The following CNTNAP2 variants were observed in gnomAD, a reference collection of about 807,000 sequenced individuals.
The protein encoded by CNTNAP2 is contactin-associated protein-like 2.
Under a neutral mutation model 155.2 loss-of-function variants are expected in CNTNAP2, and 98 were observed. The ratio of observed to expected loss-of-function variants is 0.63; its 90% CI spans 0.54 to 0.75. The LOEUF is 0.75. CNTNAP2 is among the 30% of genes least tolerant of loss of function. The pLI, the probability that CNTNAP2 is intolerant of heterozygous loss-of-function variation, is 0.00. For missense variants in CNTNAP2, 1,727 were observed against 1,688.1 expected (o/e 1.02, Z -0.40); for synonymous variants, 651 against 631.2 (o/e 1.03, Z -0.47).
rs1443098186 is a variant in CNTNAP2 at position 148,416,557 on chromosome 7, A to T, written c.*941A>T. 1 of 152,548 alleles carries T rather than the reference A, an allele frequency of 6.6e-6. No homozygotes were observed. Among genetic ancestry groups the T allele is most frequent in the East Asian group, 1.9e-4 (1 of 5,180 alleles). The allele number at this position is 152,548 out of a possible 1,614,324, so 9.4% of individuals were successfully genotyped here. A position where few individuals can be genotyped will look rare whatever the true frequency, so the allele number is the denominator to read the frequency against. ...TAGTTTAGTTATAGCAAAAATATGG[A>T]TAATTTCTAGTGAATGCATAAATTA... On this transcript the variant is annotated 3_prime_UTR_variant, in exon 24 of 24. Coordinates refer to ENST00000361727, the MANE Select transcript of CNTNAP2 (RefSeq NM_014141.6).
At chr7:146,399,087 T>C (rs943908633) in intron 1 of CNTNAP2, among the ~76,000 whole-genome samples, 1 of 152,174 alleles carries the variant, frequency 6.6e-6, no homozygotes, top group African/African-American at 2.4e-5. Context: ...TAAACATATA[T>C]ATTTGTGGTA....
intron 17 of CNTNAP2, among the ~76,000 whole-genome samples, chr7:148,149,510 A>G (rs1433926003): frequency 6.6e-6 from 1 of 152,136 alleles, no homozygotes; most frequent in East Asian, 1.9e-4. Flanking sequence ...ATGGCAAATA[A>G]TATCAAGCAC....
intron 1 of CNTNAP2, among the ~76,000 whole-genome samples, chr7:146,537,936 G>C (rs1340690859): frequency 6.6e-6 from 1 of 152,080 alleles, no homozygotes; most frequent in Non-Finnish European, 1.5e-5. Flanking sequence ...TCATGTGATT[G>C]ATGTGAGACG....
intron 16 of CNTNAP2, among the ~76,000 whole-genome samples, chr7:148,146,981 C>A (rs1319521057): frequency 6.6e-6 from 1 of 152,216 alleles, no homozygotes; most frequent in Non-Finnish European, 1.5e-5. Context: ...CCAGTGCCAA[C>A]TCTTGACCAA....
intron 14 of CNTNAP2, among the ~76,000 whole-genome samples, chr7:147,931,715 A>G (rs1280996897): frequency 6.6e-6 from 1 of 152,178 alleles, no homozygotes; most frequent in Admixed American, 6.5e-5. Flanking sequence ...GAAAACTATG[A>G]AACATTGATG....
intron 1 of CNTNAP2, among the ~76,000 whole-genome samples, chr7:146,564,110 T>C (rs1306414866): frequency 6.6e-6 from 1 of 152,208 alleles, no homozygotes; most frequent in East Asian, 1.9e-4. Context: ...AAGTTCTGGC[T>C]GATATTTAGA....
At chr7:146,290,109 AG>A (rs1800405724) in intron 1 of CNTNAP2, among the ~76,000 whole-genome samples, 1 of 152,172 alleles carries the variant, frequency 6.6e-6, no homozygotes, top group Non-Finnish European at 1.5e-5. Context: ...TGTATGTATG[AG>A]GTATGGCTCA....
intron 8 of CNTNAP2, among the ~76,000 whole-genome samples, chr7:147,158,715 G>A (rs1312747491): frequency 6.6e-6 from 1 of 152,028 alleles, no homozygotes; most frequent in Non-Finnish European, 1.5e-5. Context: ...CTGAATGATG[G>A]AGTTTTCTGT....
intron 3 of CNTNAP2, among the ~76,000 whole-genome samples, chr7:146,882,450 GT>G (rs990347300): frequency 6.6e-6 from 1 of 152,012 alleles, no homozygotes; most frequent in African/African-American, 2.4e-5. Flanking sequence ...CCGCCATGCT[GT>G]TCTCATCGTA....
chr7:146,493,651 A>T (rs148365654), intron 1 of CNTNAP2, among the ~76,000 whole-genome samples: 46 of 152,260 alleles, frequency 3.0e-4, no homozygotes, highest in African/African-American at 1.1e-3. Flanking sequence ...AAGGTAGTTA[A>T]GAGAGCCTCA....
At chr7:147,400,507 T>C (rs1796894478) in intron 10 of CNTNAP2, among the ~76,000 whole-genome samples, 5 of 152,176 alleles carry the variant, frequency 3.3e-5, no homozygotes, top group Admixed American at 3.3e-4. Flanking sequence ...TGATCATGCT[T>C]GGTTTGACAA....
chr7:146,395,828 A>ATAGAG (rs1795617238), intron 1 of CNTNAP2, among the ~76,000 whole-genome samples: 9 of 85,406 alleles, frequency 1.1e-4, no homozygotes, highest in African/African-American at 4.8e-4. Context: ...TAGATAGAGG[A>ATAGAG]GAGAGAGAGA....
chr7:147,304,376 T>C (rs2116778695), intron 9 of CNTNAP2, among the ~76,000 whole-genome samples: 1 of 152,328 alleles, frequency 6.6e-6, no homozygotes, highest in East Asian at 1.9e-4. Context: ...TTAAACACAA[T>C]AATTAAATTT....
At chr7:146,246,344 A>T (rs1455775772) in intron 1 of CNTNAP2, among the ~76,000 whole-genome samples, 1 of 150,586 alleles carries the variant, frequency 6.6e-6, no homozygotes. Context: ...CAATTTAGTT[A>T]AAGTGTCTCG....
At chr7:147,568,755 C>T (rs1800224642) in intron 12 of CNTNAP2, among the ~76,000 whole-genome samples, 1 of 152,116 alleles carries the variant, frequency 6.6e-6, no homozygotes, top group South Asian at 2.1e-4. Context: ...AGCATCCTCT[C>T]CCTAGATACC....
At chr7:148,007,160 T>C (rs1397469271) in intron 15 of CNTNAP2, among the ~76,000 whole-genome samples, 1 of 152,230 alleles carries the variant, frequency 6.6e-6, no homozygotes, top group Non-Finnish European at 1.5e-5. Context: ...CTTATGAGTT[T>C]ATTGATGGAA....
intron 20 of CNTNAP2, among the ~76,000 whole-genome samples, chr7:148,242,519 T>G (rs1427843224): frequency 1.3e-5 from 2 of 152,242 alleles, no homozygotes; most frequent in Non-Finnish European, 2.9e-5. Context: ...GAAACTGGCT[T>G]GGGTGTGGTT....
In CNTNAP2 at chr7:146,665,783, T is replaced by TAAAAAAAAAAAAAAAAAAAA. The variant is rs750837961; in HGVS notation, c.98-108473_98-108472insAAAAAAAAAAAAAAAAAAAA. Among the ~76,000 whole-genome samples, 13 of 48,292 alleles carry TAAAAAAAAAAAAAAAAAAAA rather than the reference T, an allele frequency of 2.7e-4. 2 individuals are homozygous for TAAAAAAAAAAAAAAAAAAAA. The highest frequency in any genetic ancestry group is 7.9e-4 in the African/African-American group (7 of 8,840). 31.7% of individuals were successfully genotyped at this position (48,292 alleles called of 152,430 possible). ...GCTATGGAGTGAGACTCTGTCTCATTAAAAAAAAAAAAAAATACATTTTGT... is the reference window on the plus strand; with the variant it reads ...GCTATGGAGTGAGACTCTGTCTCATTAAAAAAAAAAAAAAAAAAAAAAAAAAAAAAAAAAATACATTTTGT... On this transcript the variant is annotated intron_variant, in intron 1 of 23. Transcript: ENST00000361727.
intron 21 of CNTNAP2, among the ~76,000 whole-genome samples, chr7:148,275,166 T>A (rs920696518): frequency 6.6e-6 from 1 of 152,150 alleles, no homozygotes; most frequent in African/African-American, 2.4e-5. Flanking sequence ...CAAAGCAAGA[T>A]AGGGGATCAT....
Sources: allele counts gnomAD v4.1 joint callset (sites outside exome capture counted in the v4.1 genomes callset), GRCh38; gene constraint gnomAD v4.1.1; transcripts MANE v1.5; gene names NCBI Gene and HGNC (gene_info 2026-07-23, HGNC 2026-07-21).